UNC5D: variants seen among roughly 807,000 people sequenced by gnomAD.
The protein encoded by UNC5D is netrin receptor UNC5D.
In UNC5D, 39 loss-of-function variants were observed where a neutral mutation model predicts 105.4. The observed-to-expected ratio is 0.37, with a 90% confidence interval of 0.29 to 0.48. The LOEUF is 0.48. Ranked by LOEUF, UNC5D falls within the 20% of genes least tolerant of loss-of-function variation. The pLI, the probability that UNC5D is intolerant of heterozygous loss-of-function variation, is 0.98. For missense variants in UNC5D, 991 were observed against 1,202.4 expected, an observed-to-expected ratio of 0.82 and a Z score of 2.60; for synonymous variants, 452 against 450.4, an observed-to-expected ratio of 1.00 and a Z score of -0.04.
intron 1 of UNC5D, among the ~76,000 whole-genome samples, chr8:35,390,242 C>T (rs1803687297): frequency 6.6e-6 from 1 of 152,172 alleles, no homozygotes; most frequent in Non-Finnish European, 1.5e-5. Context: ...GCCCCATAAT[C>T]CAATCACCTT....
At chr8:35,647,288 C>A (rs1413734766) in intron 4 of UNC5D, among the ~76,000 whole-genome samples, 1 of 152,100 alleles carries the variant, frequency 6.6e-6, no homozygotes, top group Non-Finnish European at 1.5e-5. Flanking sequence ...ATAAGGACCA[C>A]ACAAACCAGC....
intron 1 of UNC5D, among the ~76,000 whole-genome samples, chr8:35,323,149 G>A (rs1262282227): frequency 6.7e-6 from 1 of 149,004 alleles, no homozygotes; most frequent in Non-Finnish European, 1.5e-5. Flanking sequence ...GAGAAAAAAA[G>A]CCTTTATGTT....
chr8:35,638,383 A>T (rs914332016), intron 4 of UNC5D, among the ~76,000 whole-genome samples: 1 of 152,188 alleles, frequency 6.6e-6, no homozygotes, highest in Non-Finnish European at 1.5e-5. Context: ...ATTAATATGC[A>T]CTTTTCCTAA....
intron 1 of UNC5D, among the ~76,000 whole-genome samples, chr8:35,393,668 C>T (rs1185845717): frequency 6.6e-6 from 1 of 152,150 alleles, no homozygotes; most frequent in Non-Finnish European, 1.5e-5. Flanking sequence ...ATTTGAAAAG[C>T]ACCAGTGACA....
intron 8 of UNC5D, among the ~76,000 whole-genome samples, chr8:35,707,321 C>T (rs1017382237): frequency 6.6e-6 from 1 of 152,048 alleles, no homozygotes; most frequent in Non-Finnish European, 1.5e-5. Flanking sequence ...GGGAAAACAG[C>T]AAAAATAAAC....
At chr8:35,785,994 T>C (rs1802725812) in intron 16 of UNC5D, among the ~76,000 whole-genome samples, 1 of 152,182 alleles carries the variant, frequency 6.6e-6, no homozygotes, top group Non-Finnish European at 1.5e-5. Context: ...TTCGCAATAA[T>C]GAAACTTTCT....
At chr8:35,568,422 C>T (rs567344017) in intron 3 of UNC5D, among the ~76,000 whole-genome samples, 181 bp downstream of exon 3, 66 of 152,348 alleles carry the variant, frequency 4.3e-4, no homozygotes, top group African/African-American at 1.5e-3. Flanking sequence ...GGCACAGTGG[C>T]TCACGCCTGT....
At chr8:35,309,732 T>C (rs978655787) in intron 1 of UNC5D, among the ~76,000 whole-genome samples, 3 of 152,204 alleles carry the variant, frequency 2.0e-5, no homozygotes, top group African/African-American at 7.2e-5. Flanking sequence ...TCTCAAGCTT[T>C]AAAAGATGTA....
intron 1 of UNC5D, among the ~76,000 whole-genome samples, chr8:35,536,303 C>T (rs528679372): frequency 3.9e-5 from 6 of 152,244 alleles, no homozygotes; most frequent in East Asian, 3.9e-4. Flanking sequence ...ATACCACATC[C>T]GAGCAGGCTC....
Position 35,790,673 on chromosome 8 carries a change from A to G in UNC5D, c.*110A>G. On this transcript the variant is annotated 3_prime_UTR_variant, in exon 17 of 17. Coordinates refer to ENST00000404895, the MANE Select transcript of UNC5D (RefSeq NM_080872.4). ...CGTTGGGGGAATTCAGCCTTCATTT[A>G]TAATCAGTGAGATTCCCCTGTTGAA... 8.2e-7 allele frequency: 1 copy of G among 1,216,470 alleles called. No homozygotes were observed. The highest frequency in any genetic ancestry group is 1.3e-5 in the South Asian group (1 of 74,946). 75.4% of individuals were successfully genotyped at this position (1,216,470 alleles called of 1,614,324 possible). A position where few individuals can be genotyped will look rare whatever the true frequency, so the allele number is the denominator to read the frequency against.
chr8:35,287,195 A>G (rs1243338329), intron 1 of UNC5D, among the ~76,000 whole-genome samples: 1 of 152,218 alleles, frequency 6.6e-6, no homozygotes, highest in Non-Finnish European at 1.5e-5. Flanking sequence ...ATGCACAGGC[A>G]TAAGGACACA....
chr8:35,453,039 G>T (rs933010597), intron 1 of UNC5D, among the ~76,000 whole-genome samples: 21 of 152,150 alleles, frequency 1.4e-4, no homozygotes, highest in African/African-American at 4.6e-4. Flanking sequence ...TGTCCTGCAG[G>T]CTTCTAGCTT....
chr8:35,573,966 G>A (rs1382955686), intron 3 of UNC5D, among the ~76,000 whole-genome samples: 2 of 152,174 alleles, frequency 1.3e-5, no homozygotes, highest in African/African-American at 2.4e-5. Flanking sequence ...ATTGGCAGAA[G>A]TCTATCTCTA....
At chr8:35,657,080 G>GTATATATATATATATATATATA (rs3077002) in intron 4 of UNC5D, among the ~76,000 whole-genome samples, 1 of 46,516 alleles carries the variant, frequency 2.1e-5, no homozygotes, top group Non-Finnish European at 3.6e-5. Context: ...GTGTGTGTGT[G>GTATATATATATATATATATATA]TATATATATA....
intron 1 of UNC5D, among the ~76,000 whole-genome samples, chr8:35,437,341 G>A (rs764731956): frequency 1.3e-4 from 19 of 151,514 alleles, no homozygotes; most frequent in Non-Finnish European, 2.7e-4. Flanking sequence ...TGAGTAGATG[G>A]TACATCTCTA....
At chr8:35,354,126 A>G (rs1023984918) in intron 1 of UNC5D, among the ~76,000 whole-genome samples, 1 of 152,168 alleles carries the variant, frequency 6.6e-6, no homozygotes, top group African/African-American at 2.4e-5. Flanking sequence ...AAATTGTATC[A>G]AACACAGGAA....
At position 35,544,595 on chromosome 8, in the gene UNC5D, GTTTTTTTTTT is replaced by G. The variant is rs775831187; in HGVS notation, c.104-4681_104-4672del. ...CAACCACACCTATTCTTTCGTTTTC[GTTTTTTTTTT>G]TTTTTTTTTTTTTTTGAGACAGAGT... On this transcript the variant is annotated intron_variant, in intron 1 of 16. Coordinates refer to ENST00000404895, the MANE Select transcript of UNC5D (RefSeq NM_080872.4). 2.4e-5 allele frequency: 14 copies of G among 573,126 alleles called. No homozygotes were observed. The East Asian group carries it at 4.8e-4, about 20-fold the overall frequency. 35.5% of individuals were successfully genotyped at this position (573,126 alleles called of 1,614,324 possible).
intron 1 of UNC5D, among the ~76,000 whole-genome samples, chr8:35,413,287 GTGTGT>G (rs1213288151): frequency 0.011 from 132 of 11,628 alleles, no homozygotes; most frequent in Non-Finnish European, 0.037. Context: ...GTGTGTGTGT[GTGTGT>G]TGTGTGTGTG....
chr8:35,320,430 G>T (rs570452397), intron 1 of UNC5D, among the ~76,000 whole-genome samples: 1 of 152,150 alleles, frequency 6.6e-6, no homozygotes, highest in African/African-American at 2.4e-5. Flanking sequence ...GACATAAAAA[G>T]ATGCCACACT....
Sources: gnomAD v4.1 joint callset for allele counts (sites outside exome capture counted in the v4.1 genomes callset) on GRCh38, gnomAD v4.1.1 for gene constraint, MANE v1.5 for transcripts, NCBI Gene and HGNC (gene_info 2026-07-23, HGNC 2026-07-21) for gene names.